The following EXOC6B variants were observed in gnomAD, a reference collection of about 807,000 sequenced individuals.
EXOC6B encodes the protein SEC15 homolog B.
A neutral mutation model predicts 113.5 loss-of-function variants in EXOC6B; 54 were observed. That is an observed-to-expected ratio of 0.48 (90% CI 0.38 to 0.60). EXOC6B has a LOEUF of 0.60. EXOC6B is among the 20% of genes least tolerant of loss of function. EXOC6B has a pLI of 0.00. For missense variants in EXOC6B, 797 were observed against 977.5 expected (o/e 0.82, Z 2.46); for synonymous variants, 357 against 339.0 (o/e 1.05, Z -0.58).
intron 6 of EXOC6B, among the ~76,000 whole-genome samples, chr2:72,654,731 T>A (rs990093563): frequency 6.6e-6 from 1 of 152,180 alleles, no homozygotes; most frequent in Non-Finnish European, 1.5e-5. Context: ...CCAACAGCTA[T>A]TATCACCCAT....
chr2:72,243,235 A>T (rs1343573039), intron 20 of EXOC6B, among the ~76,000 whole-genome samples: 1 of 152,214 alleles, frequency 6.6e-6, no homozygotes, highest in African/African-American at 2.4e-5. Flanking sequence ...CAGAGATTTC[A>T]TTACTGGGTA....
intron 6 of EXOC6B, among the ~76,000 whole-genome samples, chr2:72,603,073 G>GTT (rs61465336): frequency 3.5e-5 from 5 of 142,848 alleles, no homozygotes; most frequent in Admixed American, 1.4e-4. Context: ...CGGACAGATG[G>GTT]TTTTTTTTTT....
chr2:72,764,819 C>G (rs1044829898), intron 1 of EXOC6B, among the ~76,000 whole-genome samples: 3 of 151,892 alleles, frequency 2.0e-5, no homozygotes, highest in Non-Finnish European at 4.4e-5. Context: ...AAACAAATAA[C>G]ATTTGCATTA....
chr2:72,334,729 C>T (rs1260809733), intron 20 of EXOC6B, among the ~76,000 whole-genome samples: 1 of 150,996 alleles, frequency 6.6e-6, no homozygotes, highest in African/African-American at 2.4e-5. Context: ...CCTCCCACCC[C>T]CGCCTTCCCT....
At chr2:72,424,886 T>C (rs1049614619) in intron 18 of EXOC6B, among the ~76,000 whole-genome samples, 5 of 152,212 alleles carry the variant, frequency 3.3e-5, no homozygotes, top group Non-Finnish European at 5.9e-5. Flanking sequence ...GTTTGTTACA[T>C]AGGTAAACAT....
intron 6 of EXOC6B, among the ~76,000 whole-genome samples, chr2:72,609,507 A>G (rs1236281306): frequency 6.6e-6 from 1 of 151,218 alleles, no homozygotes; most frequent in Non-Finnish European, 1.5e-5. Flanking sequence ...ATGATCAATA[A>G]AAAATAAAAA....
intron 8 of EXOC6B, among the ~76,000 whole-genome samples, chr2:72,548,382 G>C (rs1421773406): frequency 1.3e-5 from 2 of 152,160 alleles, no homozygotes; most frequent in Non-Finnish European, 2.9e-5. Context: ...TAAAAGGGGG[G>C]TGAGTGGAAG....
chr2:72,485,450 T>C (rs1699369033), intron 16 of EXOC6B, among the ~76,000 whole-genome samples: 1 of 152,138 alleles, frequency 6.6e-6, no homozygotes, highest in South Asian at 2.1e-4. Flanking sequence ...AAACAAAAAA[T>C]GAAATAGTAG....
At chr2:72,263,710 G>A (rs2104592576) in intron 20 of EXOC6B, among the ~76,000 whole-genome samples, 1 of 152,310 alleles carries the variant, frequency 6.6e-6, no homozygotes, top group South Asian at 2.1e-4. Context: ...AATGGCAGGA[G>A]TGGTCTTATC....
At chr2:72,226,806 T>C (rs908990531) in intron 20 of EXOC6B, among the ~76,000 whole-genome samples, 5 of 152,194 alleles carry the variant, frequency 3.3e-5, no homozygotes, top group African/African-American at 1.2e-4. Flanking sequence ...TGAATTGGTT[T>C]TCAAGGTACA....
intron 18 of EXOC6B, among the ~76,000 whole-genome samples, chr2:72,407,731 A>G (rs1364942475): frequency 6.6e-6 from 1 of 152,212 alleles, no homozygotes; most frequent in South Asian, 2.1e-4. Flanking sequence ...AATAAAAGCT[A>G]TCTATGACAA....
At chr2:72,700,327 C>G (rs1471982155) in intron 6 of EXOC6B, among the ~76,000 whole-genome samples, 1 of 151,250 alleles carries the variant, frequency 6.6e-6, no homozygotes, top group Non-Finnish European at 1.5e-5. Flanking sequence ...AAGGGCTATT[C>G]CCAGTTTTTT....
At position 72,423,424 on chromosome 2, in the gene EXOC6B, G is replaced by T. The variant is rs898735326; in HGVS notation, c.1980+41736C>A. The stretch of plus-strand genomic sequence containing the variant: ...GAATGGGATTTTGATTCATATATAA[G>T]ATTTTATATATGGGTTTTGATTCAT... On this transcript the variant is annotated intron_variant, in intron 18 of 21. Coordinates refer to ENST00000272427, the MANE Select transcript of EXOC6B (RefSeq NM_015189.3). Among the ~76,000 whole-genome samples, 37 of 152,108 alleles carry T rather than the reference G, an allele frequency of 2.4e-4. 1 individual carries two copies. The highest frequency in any genetic ancestry group is 7.0e-4 in the African/African-American group (29 of 41,506).
chr2:72,530,665 GA>G (rs1188511259), intron 8 of EXOC6B, among the ~76,000 whole-genome samples: 1 of 152,024 alleles, frequency 6.6e-6, no homozygotes, highest in Non-Finnish European at 1.5e-5. Context: ...CAATTTTTAG[GA>G]GTTTTGAAGT....
intron 1 of EXOC6B, among the ~76,000 whole-genome samples, chr2:72,791,282 G>A (rs1043343395): frequency 1.3e-5 from 2 of 152,168 alleles, no homozygotes; most frequent in African/African-American, 4.8e-5. Flanking sequence ...TCTGGCTCGT[G>A]CCTGTAATCC....
intron 20 of EXOC6B, among the ~76,000 whole-genome samples, chr2:72,202,773 G>A (rs781153807): frequency 6.6e-6 from 1 of 152,108 alleles, no homozygotes; most frequent in Non-Finnish European, 1.5e-5. Context: ...ATCTAGTGAC[G>A]AGTCACATTC....
At chr2:72,291,434 T>C (rs1028830172) in intron 20 of EXOC6B, among the ~76,000 whole-genome samples, 1 of 152,240 alleles carries the variant, frequency 6.6e-6, no homozygotes, top group African/African-American at 2.4e-5. Flanking sequence ...CATCAGTTAA[T>C]GTCTGAAAAC....
intron 20 of EXOC6B, among the ~76,000 whole-genome samples, chr2:72,259,996 G>C (rs1683613874): frequency 6.6e-6 from 1 of 151,862 alleles, no homozygotes; most frequent in Non-Finnish European, 1.5e-5. Context: ...AGGCTGCAGT[G>C]AGCTGTGATT....
intron 17 of EXOC6B, among the ~76,000 whole-genome samples, chr2:72,475,111 C>A (rs115426707): frequency 6.6e-6 from 1 of 152,052 alleles, no homozygotes; most frequent in Admixed American, 6.5e-5. Flanking sequence ...CCAGGTAGGT[C>A]GGTCTTTGAG....
Sources: allele counts gnomAD v4.1 joint callset (sites outside exome capture counted in the v4.1 genomes callset), GRCh38; gene constraint gnomAD v4.1.1; transcripts MANE v1.5; gene names NCBI Gene and HGNC (gene_info 2026-07-23, HGNC 2026-07-21).